FBXL7: variants seen among roughly 807,000 people sequenced by gnomAD.
FBXL7 encodes the protein F-box/LRR-repeat protein 7.
Under a neutral mutation model 38.3 loss-of-function variants are expected in FBXL7, and 12 were observed. That is an observed-to-expected ratio of 0.31 (90% CI 0.20 to 0.51). The LOEUF (loss-of-function observed/expected upper bound fraction) is 0.51. FBXL7 is among the 20% of genes least tolerant of loss of function. The pLI is 0.98. For synonymous variants in FBXL7, 297 were observed against 300.9 expected (o/e 0.99, Z 0.13); for missense variants, 567 against 676.4 (o/e 0.84, Z 1.79).
intron 2 of FBXL7, among the ~76,000 whole-genome samples, chr5:15,917,309 C>A (rs1323579584): frequency 6.6e-6 from 1 of 152,020 alleles, no homozygotes; most frequent in Non-Finnish European, 1.5e-5. Flanking sequence ...CAGTATCACT[C>A]GCCATAAATA....
intron 2 of FBXL7, among the ~76,000 whole-genome samples, chr5:15,770,684 C>T (rs1239876694): frequency 1.3e-5 from 2 of 152,138 alleles, no homozygotes; most frequent in Non-Finnish European, 1.5e-5. Context: ...TTACATGAAC[C>T]ATTTCATATT....
chr5:15,937,004 C>T lies in FBXL7; in HGVS notation c.1294C>T (p.Arg432Trp). 2 of 1,614,008 alleles carry T rather than the reference C, an allele frequency of 1.2e-6. No homozygotes were observed. Among genetic ancestry groups the T allele is most frequent in the Non-Finnish European group, 8.5e-7 (1 of 1,179,892 alleles). Residue 432 changes from arginine to tryptophan, a missense_variant, in exon 4 of 4, where the codon CGG becomes TGG. By Grantham distance (101) the Arg-to-Trp change is moderately radical (BLOSUM62 -3). Transcript: ENST00000504595. ...CLALNCFNLKRLSLKSCESIT... is the reference protein window; with the variant it reads ...CLALNCFNLKWLSLKSCESIT... Reference sequence around the variant, plus strand: ...GGCCCTGAACTGCTTCAACCTCAAGCGGCTCAGCCTCAAGTCCTGCGAGAG... The same window carrying T: ...GGCCCTGAACTGCTTCAACCTCAAGTGGCTCAGCCTCAAGTCCTGCGAGAG...
chr5:15,888,648 A>T (rs554605436), intron 2 of FBXL7, among the ~76,000 whole-genome samples: 5 of 152,234 alleles, frequency 3.3e-5, no homozygotes, highest in Middle Eastern at 3.4e-3. Context: ...TCAGGTTTAG[A>T]AAAAAATCTA....
chr5:15,604,606 C>G (rs149029868), intron 1 of FBXL7, among the ~76,000 whole-genome samples: 1 of 152,150 alleles, frequency 6.6e-6, no homozygotes, highest in Non-Finnish European at 1.5e-5. Context: ...CCACCTACCT[C>G]GGCCTCCCAA....
chr5:15,640,908 C>A (rs1446731155), intron 2 of FBXL7, among the ~76,000 whole-genome samples: 1 of 152,128 alleles, frequency 6.6e-6, no homozygotes, highest in East Asian at 1.9e-4. Flanking sequence ...TTCTTCGCAT[C>A]CTTTGCCTTC....
chr5:15,815,531 A>AG (rs1737990815), intron 2 of FBXL7, among the ~76,000 whole-genome samples: 1 of 152,192 alleles, frequency 6.6e-6, no homozygotes, highest in Non-Finnish European at 1.5e-5. Flanking sequence ...GATGAGAGTC[A>AG]TCTGCTGCTG....
intron 2 of FBXL7, among the ~76,000 whole-genome samples, chr5:15,904,664 T>G (rs537926674): frequency 5.3e-4 from 81 of 152,282 alleles, no homozygotes; most frequent in Non-Finnish European, 9.3e-4. Context: ...AAGATGTTCC[T>G]AAATTTTTCC....
At chr5:15,538,082 C>T (rs1005811939) in intron 1 of FBXL7, among the ~76,000 whole-genome samples, 4 of 152,152 alleles carry the variant, frequency 2.6e-5, no homozygotes. Context: ...TTTCTCTTCC[C>T]TGTGGGACTT....
chr5:15,681,543 T>C (rs1438973453), intron 2 of FBXL7, among the ~76,000 whole-genome samples: 1 of 152,222 alleles, frequency 6.6e-6, no homozygotes, highest in African/African-American at 2.4e-5. Flanking sequence ...GAATGGTTTA[T>C]ATAAACCTGT....
chr5:15,547,262 G>T (rs928504966), intron 1 of FBXL7, among the ~76,000 whole-genome samples: 1 of 152,162 alleles, frequency 6.6e-6, no homozygotes, highest in Non-Finnish European at 1.5e-5. Context: ...CCCCCTAAGT[G>T]TTTAGAGAAA....
intron 2 of FBXL7, among the ~76,000 whole-genome samples, chr5:15,742,609 T>C (rs1735921276): frequency 6.6e-6 from 1 of 152,216 alleles, no homozygotes; most frequent in African/African-American, 2.4e-5. Context: ...TAATTTGCAT[T>C]GAACATATTT....
intron 1 of FBXL7, among the ~76,000 whole-genome samples, chr5:15,526,428 G>A (rs550009807): frequency 6.6e-6 from 1 of 152,228 alleles, no homozygotes; most frequent in East Asian, 1.9e-4. Flanking sequence ...CCTGTTTGTG[G>A]GGAACAAGAA....
chr5:15,900,970 A>G (rs886554045), intron 2 of FBXL7, among the ~76,000 whole-genome samples: 3 of 152,246 alleles, frequency 2.0e-5, no homozygotes, highest in Non-Finnish European at 4.4e-5. Context: ...TAAATTCTTC[A>G]AAAGTATCAA....
intron 2 of FBXL7, among the ~76,000 whole-genome samples, chr5:15,644,304 CAAAAAAAAAA>C (rs369213583): frequency 1.1e-5 from 1 of 94,808 alleles, no homozygotes; most frequent in Admixed American, 1.2e-4. Context: ...ACTAAAAATC[CAAAAAAAAAA>C]AAAAAAAAAA....
intron 2 of FBXL7, among the ~76,000 whole-genome samples, chr5:15,797,237 GTCA>G (rs2126737224): frequency 6.6e-6 from 1 of 152,268 alleles, no homozygotes; most frequent in African/African-American, 2.4e-5. Context: ...AATAAAATAG[GTCA>G]TCAAGTCCCA....
rs137927425 is a variant in FBXL7 at position 15,739,186 on chromosome 5, T to G, written c.127+123114T>G. On this transcript the variant is annotated intron_variant, in intron 2 of 3. Transcript: ENST00000504595. ...TCCTCTGAGGGTTCTTCCCCGCATC[T>G]CCAGCTGGGCCTGAGGGACAGGATT... is the stretch of plus-strand genomic sequence containing the variant. Among the ~76,000 whole-genome samples the G allele has an allele frequency of 1.6e-3, 247 of 152,216 alleles. 7 individuals are homozygous for G. The East Asian group carries it at 0.039, about 24-fold the overall frequency.
intron 2 of FBXL7, among the ~76,000 whole-genome samples, chr5:15,876,522 CAGTA>C (rs1167320132): frequency 6.6e-6 from 1 of 152,132 alleles, no homozygotes; most frequent in Non-Finnish European, 1.5e-5. Flanking sequence ...ATTTTGCACT[CAGTA>C]AGGGCATTGC....
intron 2 of FBXL7, among the ~76,000 whole-genome samples, chr5:15,809,064 G>A (rs531410597): frequency 6.6e-6 from 1 of 152,230 alleles, no homozygotes; most frequent in Non-Finnish European, 1.5e-5. Context: ...AACTCTGCAG[G>A]AATATTTTCT....
chr5:15,500,793 G>T (rs1736468135), intron 1 of FBXL7, 80 bp downstream of exon 1: 2 of 1,535,762 alleles, frequency 1.3e-6, no homozygotes, highest in Admixed American at 1.9e-5. Flanking sequence ...GGGAAGGGAG[G>T]TTCTCGCCCG....
Sources: allele counts gnomAD v4.1 joint callset (sites outside exome capture counted in the v4.1 genomes callset), GRCh38; gene constraint gnomAD v4.1.1; transcripts MANE v1.5; gene names NCBI Gene and HGNC (gene_info 2026-07-23, HGNC 2026-07-21).